The following BTBD1 variants were observed in gnomAD, a reference collection of about 807,000 sequenced individuals.
BTBD1 encodes BTB/POZ domain-containing protein 1.
BTBD1 carries 34 observed loss-of-function variants against 48.0 expected under a neutral mutation model. That is an observed-to-expected ratio of 0.71 (90% confidence interval 0.54 to 0.94). The LOEUF (loss-of-function observed/expected upper bound fraction) is 0.94, where lower values mean the gene tolerates loss of function less well. BTBD1 is among the 40% of genes least tolerant of loss of function. BTBD1 has a pLI of 0.00. For synonymous variants in BTBD1, 261 were observed against 242.1 expected (o/e 1.08, Z -0.72); for missense variants, 543 against 625.6 (o/e 0.87, Z 1.41).
Position 83,017,992 on chromosome 15 carries a change from C to CT in BTBD1, c.*74dup, listed in dbSNP as rs1201943742. On this transcript the variant is annotated 3_prime_UTR_variant, in exon 8 of 8. Transcript: ENST00000261721. ...TTAAATATTCATAACACTCAAACTA[C>CT]TTTTTTGTGGCCATTTATGTTTTTG... The CT allele has an allele frequency of 1.2e-5, 12 of 1,027,844 alleles. No homozygotes were observed. The African/African-American group carries it at 1.3e-4, about 11-fold the overall frequency. 63.7% of individuals were successfully genotyped at this position (1,027,844 alleles called of 1,614,324 possible). A position where few individuals can be genotyped will look rare whatever the true frequency, so the allele number is the denominator to read the frequency against.
chr15:83,051,708 T>C (rs2032984979), intron 2 of BTBD1, among the ~76,000 whole-genome samples: 1 of 150,282 alleles, frequency 6.7e-6, no homozygotes, highest in Non-Finnish European at 1.5e-5. Flanking sequence ...AATTTCCTTA[T>C]TTTTTTTTAA....
At chr15:83,053,986 C>G (rs1418343665) in intron 2 of BTBD1, among the ~76,000 whole-genome samples, 1 of 152,182 alleles carries the variant, frequency 6.6e-6, no homozygotes, top group Non-Finnish European at 1.5e-5. Context: ...CCACTGCTGT[C>G]TAGTGTAATA....
At chr15:83,026,587 AT>A (rs1232746845) in intron 5 of BTBD1, among the ~76,000 whole-genome samples, 2 of 143,162 alleles carry the variant, frequency 1.4e-5, no homozygotes, top group Admixed American at 7.3e-5. Context: ...CAATGGTGCA[AT>A]ATTGGCTCAC....
intron 3 of BTBD1, among the ~76,000 whole-genome samples, chr15:83,045,599 C>T (rs1200347954): frequency 2.0e-5 from 3 of 152,258 alleles, no homozygotes; most frequent in Middle Eastern, 6.8e-3. Flanking sequence ...AATATCCTAG[C>T]AAAGGTATCA....
At chr15:83,032,969 C>CAAAAAAAAAAAAAAAAAAAAAAAAAAAA (rs56152195) in intron 4 of BTBD1, among the ~76,000 whole-genome samples, 6 of 86,992 alleles carry the variant, frequency 6.9e-5, no homozygotes, top group African/African-American at 3.0e-4. Flanking sequence ...TACTCTGTCT[C>CAAAAAAAAAAAAAAAAAAAAAAAAAAAA]AAAAAAAAAA....
chr15:83,046,244 A>G (rs934890826), intron 3 of BTBD1, among the ~76,000 whole-genome samples: 5 of 152,192 alleles, frequency 3.3e-5, no homozygotes, highest in Admixed American at 6.5e-5. Flanking sequence ...AAAAAAAACA[A>G]AAATAATAAT....
At chr15:83,032,078 T>C (rs903255527) in intron 4 of BTBD1, among the ~76,000 whole-genome samples, 1 of 152,156 alleles carries the variant, frequency 6.6e-6, no homozygotes, top group Non-Finnish European at 1.5e-5. Context: ...ATCCCAGCAC[T>C]TTGGGAGGCC....
At chr15:83,042,074 T>C (rs2032772197) in intron 3 of BTBD1, 149 bp from the exon 4 acceptor site, 3 of 649,210 alleles carry the variant, frequency 4.6e-6, no homozygotes, top group South Asian at 4.0e-5. Flanking sequence ...TTTAAAATAC[T>C]AAATAATTAA....
At chr15:83,044,823 AG>A in intron 3 of BTBD1, 3 of 1,050,684 alleles carry the variant, frequency 2.9e-6, no homozygotes, top group Non-Finnish European at 4.4e-6. Flanking sequence ...GATCAAGCTC[AG>A]TTCAATGAGC....
At chr15:83,042,514 G>A (rs2058488530) in intron 3 of BTBD1, among the ~76,000 whole-genome samples, 1 of 151,726 alleles carries the variant, frequency 6.6e-6, no homozygotes, top group East Asian at 1.9e-4. Flanking sequence ...CTCCTGGGTA[G>A]CTTGGATTAC....
intron 3 of BTBD1, among the ~76,000 whole-genome samples, chr15:83,045,041 C>A (rs928753392): frequency 6.6e-6 from 1 of 151,972 alleles, no homozygotes; most frequent in East Asian, 1.9e-4. Context: ...TCTAAAGAAC[C>A]TAGATAAAAC....
chr15:83,064,220 T>A lies in BTBD1; in HGVS notation c.401+2531A>T, dbSNP rs1436892491. Among the ~76,000 whole-genome samples the A allele has an allele frequency of 3.3e-5, 5 of 152,214 alleles. No individual in the cohort carries two copies. The East Asian group carries it at 9.6e-4, about 29-fold the overall frequency. On this transcript the variant is annotated intron_variant, in intron 1 of 7. Transcript: ENST00000261721. ...TAGCAAGTACTATCAGGCATCTTTT[T>A]GTCACGTATTAGCTAACAACAACAT... is the stretch of plus-strand genomic sequence containing the variant.
chr15:83,056,473 G>A lies in BTBD1; in HGVS notation c.474C>T (p.Tyr158=), dbSNP rs774268474. ...VMTTLYTAKK[Y]AVPALEAHCV... ...AGTGTGCTTCCAAGGCTGGGACTGC[G>A]TATTTCTTGGCAGTATAAAGAGTGG... Residue 158 remains tyrosine (Y), a synonymous_variant, in exon 2 of 8, where the codon TAC becomes TAT. Coordinates refer to ENST00000261721, the MANE Select transcript of BTBD1 (RefSeq NM_025238.4). 12 of 1,612,050 alleles carry A rather than the reference G, an allele frequency of 7.4e-6. No homozygotes were observed. The highest frequency in any genetic ancestry group is 1.7e-5 in the Admixed American group (1 of 59,996).
chr15:83,032,988 A>C (rs1217348557), intron 4 of BTBD1, among the ~76,000 whole-genome samples: 3 of 150,880 alleles, frequency 2.0e-5, no homozygotes, highest in Non-Finnish European at 4.4e-5. Context: ...AAAAAAAAAA[A>C]CAGAATAGAA....
chr15:83,058,957 T>C (rs1168074019), intron 1 of BTBD1, among the ~76,000 whole-genome samples: 1 of 152,210 alleles, frequency 6.6e-6, no homozygotes, highest in Non-Finnish European at 1.5e-5. Context: ...ATCAAGTTTG[T>C]AGATTATTTT....
At chr15:83,027,833 T>C (rs1596425703) in intron 5 of BTBD1, among the ~76,000 whole-genome samples, 1 of 152,348 alleles carries the variant, frequency 6.6e-6, no homozygotes, top group South Asian at 2.1e-4. Flanking sequence ...ACGCCTGTAC[T>C]GTGCAGCTGA....
chr15:83,020,942 T>G, intron 5 of BTBD1, 180 bp from the exon 6 acceptor site: 1 of 491,942 alleles, frequency 2.0e-6, no homozygotes, highest in Non-Finnish European at 3.6e-6. Context: ...AGAGCAGATT[T>G]GAACTTAAGA....
In BTBD1 at chr15:83,050,114, A is replaced by C; in HGVS notation, c.623T>G (p.Met208Arg). The C allele has an allele frequency of 1.9e-6, 3 of 1,613,234 alleles. No individual in the cohort carries two copies. The highest frequency in any genetic ancestry group is 2.5e-6 in the Non-Finnish European group (3 of 1,179,522). Residue 208 changes from methionine to arginine, a missense_variant, in exon 3 of 8, where the codon ATG (methionine) becomes AGG (arginine). Physicochemically the swap from Met to Arg is moderately conservative, Grantham distance 91. Coordinates refer to ENST00000261721, the MANE Select transcript of BTBD1 (RefSeq NM_025238.4). Reference sequence around the variant, plus strand: ...AAACCCTTCTGCACTTATTGCATCCATTGTGCTTTTGTCTATTGTATCTAG... The same window carrying C: ...AAACCCTTCTGCACTTATTGCATCCCTTGTGCTTTTGTCTATTGTATCTAG... ...LCLDTIDKST[M>R]DAISAEGFTD...
At chr15:83,055,379 T>G (rs1374885699) in intron 2 of BTBD1, among the ~76,000 whole-genome samples, 2 of 152,202 alleles carry the variant, frequency 1.3e-5, no homozygotes, top group African/African-American at 4.8e-5. Context: ...TGCCTCAGCC[T>G]CCCAAGTAGC....
Sources: allele counts gnomAD v4.1 joint callset (sites outside exome capture counted in the v4.1 genomes callset), GRCh38; gene constraint gnomAD v4.1.1; transcripts MANE v1.5; gene names NCBI Gene and HGNC (gene_info 2026-07-23, HGNC 2026-07-21).